EPHA5: variants seen among roughly 807,000 people sequenced by gnomAD.
EPHA5 encodes the protein ephrin type-A receptor 5.
In EPHA5, 60 loss-of-function variants were observed where a neutral mutation model predicts 105.0. That is an observed-to-expected ratio of 0.57 (90% confidence interval 0.46 to 0.71). EPHA5 has a LOEUF of 0.71. Among genes scored for constraint, EPHA5 ranks in the 30% least tolerant of loss-of-function variants. The pLI is 0.00. For missense variants in EPHA5, 1,218 were observed against 1,274.7 expected (o/e 0.96, Z 0.68); for synonymous variants, 513 against 449.1 (o/e 1.14, Z -1.80).
chr4:65,342,707 T>A (rs530320346), intron 14 of EPHA5, among the ~76,000 whole-genome samples: 1 of 151,472 alleles, frequency 6.6e-6, no homozygotes, highest in Non-Finnish European at 1.5e-5. Flanking sequence ...ATAAGCAATA[T>A]ACATAAACAT....
chr4:65,610,144 A>G (rs1744628141), intron 2 of EPHA5, among the ~76,000 whole-genome samples: 1 of 152,152 alleles, frequency 6.6e-6, no homozygotes, highest in African/African-American at 2.4e-5. Context: ...ACTATGGAAT[A>G]GTCTATATTG....
chr4:65,535,332 A>C (rs1736189218), intron 3 of EPHA5, among the ~76,000 whole-genome samples: 1 of 152,116 alleles, frequency 6.6e-6, no homozygotes, highest in Admixed American at 6.6e-5. Flanking sequence ...GCTGAATCAC[A>C]AGACACAGAA....
chr4:65,612,367 C>G (rs1255471615), intron 2 of EPHA5, among the ~76,000 whole-genome samples: 1 of 152,132 alleles, frequency 6.6e-6, no homozygotes, highest in Non-Finnish European at 1.5e-5. Flanking sequence ...TATTATTCCA[C>G]TCTCTATATC....
intron 16 of EPHA5, chr4:65,331,193 ATTAATG>A (rs1398178585): frequency 4.9e-6 from 5 of 1,029,312 alleles, no homozygotes; most frequent in African/African-American, 1.7e-5. Context: ...AGGTTAAAAC[ATTAATG>A]TTAATGTAAT....
At chr4:65,455,077 C>A (rs190222513) in intron 5 of EPHA5, among the ~76,000 whole-genome samples, 77 of 151,924 alleles carry the variant, frequency 5.1e-4, no homozygotes, top group African/African-American at 1.8e-3. Context: ...ACTAAAAATA[C>A]AAAAAATTAG....
At chr4:65,389,637 A>G (rs969021201) in intron 8 of EPHA5, among the ~76,000 whole-genome samples, 11 of 152,058 alleles carry the variant, frequency 7.2e-5, no homozygotes, top group African/African-American at 2.7e-4. Context: ...GGAGAGGATC[A>G]GTTTAAACAA....
intron 5 of EPHA5, among the ~76,000 whole-genome samples, chr4:65,477,913 G>A (rs559809597): frequency 3.3e-5 from 5 of 152,284 alleles, no homozygotes; most frequent in Middle Eastern, 6.8e-3. Context: ...AGGCCCTGAC[G>A]TGCTTTTTTG....
chr4:65,448,515 G>A (rs1726777390), intron 5 of EPHA5, among the ~76,000 whole-genome samples: 1 of 152,004 alleles, frequency 6.6e-6, no homozygotes, highest in South Asian at 2.1e-4. Context: ...AGGTGTAGTG[G>A]CACAGGCCTG....
intron 14 of EPHA5, among the ~76,000 whole-genome samples, chr4:65,342,651 T>C (rs1051423827): frequency 1.3e-5 from 2 of 151,734 alleles, no homozygotes; most frequent in Non-Finnish European, 2.9e-5. Flanking sequence ...ATATAAGGAA[T>C]ATATGTTTAT....
intron 5 of EPHA5, among the ~76,000 whole-genome samples, chr4:65,465,604 G>A (rs1262311934): frequency 6.7e-6 from 1 of 149,980 alleles, no homozygotes; most frequent in Admixed American, 6.7e-5. Context: ...AGGAAGGAAA[G>A]GAAGAAAGAA....
chr4:65,480,205 A>G (rs940135846), intron 5 of EPHA5, among the ~76,000 whole-genome samples: 1 of 152,228 alleles, frequency 6.6e-6, no homozygotes, highest in Admixed American at 6.5e-5. Flanking sequence ...TTTTCTCTAA[A>G]TATTTCAGAT....
intron 5 of EPHA5, among the ~76,000 whole-genome samples, chr4:65,461,679 A>C (rs1728134927): frequency 6.6e-6 from 1 of 152,034 alleles, no homozygotes; most frequent in Non-Finnish European, 1.5e-5. Context: ...TTCATAAAAG[A>C]TATATAAACC....
At position 65,591,036 on chromosome 4, in the gene EPHA5, C is replaced by G. The variant is rs78564618; in HGVS notation, c.910+10605G>C. 5.1e-3 allele frequency among the ~76,000 whole-genome samples: 782 copies of G among 152,142 alleles called. 4 individuals are homozygous for G. The highest frequency in any genetic ancestry group is 9.0e-3 in the Non-Finnish European group (609 of 67,940). The stretch of plus-strand genomic sequence containing the variant: ...TTAATCCCTTCCCCAACCCCCTACT[C>G]CAGATCTCATTTTCCTTATTAGCTT... On this transcript the variant is annotated intron_variant, in intron 3 of 16. Coordinates refer to ENST00000613740, the MANE Select transcript of EPHA5 (RefSeq NM_001281766.3).
chr4:65,375,381 A>G (rs1424913847), intron 8 of EPHA5, among the ~76,000 whole-genome samples: 1 of 151,932 alleles, frequency 6.6e-6, no homozygotes, highest in Non-Finnish European at 1.5e-5. Context: ...TATTGGAAGA[A>G]AGATATTGTC....
chr4:65,614,000 A>G (rs1277066488), intron 2 of EPHA5, among the ~76,000 whole-genome samples: 3 of 151,968 alleles, frequency 2.0e-5, no homozygotes, highest in Non-Finnish European at 4.4e-5. Context: ...GAATTACTAT[A>G]AAAACAGATG....
chr4:65,568,891 A>G (rs924598514), intron 3 of EPHA5, among the ~76,000 whole-genome samples: 2 of 151,144 alleles, frequency 1.3e-5, no homozygotes, highest in African/African-American at 4.8e-5. Context: ...GTTTCAATAA[A>G]TAAGAATCAG....
At chr4:65,332,268 T>G in intron 15 of EPHA5, 140 bp from the exon 16 acceptor site, 1 of 603,540 alleles carries the variant, frequency 1.7e-6, no homozygotes, top group East Asian at 3.3e-5. Flanking sequence ...AATGCTAATA[T>G]GGAAGAAAAT....
intron 8 of EPHA5, among the ~76,000 whole-genome samples, chr4:65,397,260 C>A (rs746982451): frequency 1.2e-4 from 18 of 152,320 alleles, no homozygotes; most frequent in Middle Eastern, 6.8e-3. Context: ...GACACTGGAG[C>A]TGGTCTTTCA....
intron 3 of EPHA5, among the ~76,000 whole-genome samples, chr4:65,585,673 G>C (rs1742052361): frequency 1.3e-5 from 2 of 151,744 alleles, no homozygotes; most frequent in African/African-American, 4.8e-5. Context: ...AAGATTATTG[G>C]AGATTACAGT....
Sources: allele counts gnomAD v4.1 joint callset (sites outside exome capture counted in the v4.1 genomes callset), GRCh38; gene constraint gnomAD v4.1.1; transcripts MANE v1.5; gene names NCBI Gene and HGNC (gene_info 2026-07-23, HGNC 2026-07-21).